Variants in LENG1 observed in about 807,000 individuals in gnomAD.
LENG1 encodes leukocyte receptor cluster (LRC) member 1.
LENG1 carries 35 observed loss-of-function variants against 28.8 expected under a neutral mutation model. The observed-to-expected ratio is 1.22, with a 90% confidence interval of 0.93 to 1.61. LENG1 has a LOEUF of 1.61. LENG1 is among the 40% of genes most tolerant of loss of function. The probability of loss-of-function intolerance (pLI) is 0.00; values close to 1 mark genes in which losing one functional copy is unlikely to be tolerated. For missense variants in LENG1, 404 were observed against 348.9 expected, an observed-to-expected ratio of 1.16 and a Z score of -1.26; for synonymous variants, 170 against 140.6, an observed-to-expected ratio of 1.21 and a Z score of -1.48.
At chr19:54,157,873 A>C (rs2075424490) in intron 2 of LENG1, among the ~76,000 whole-genome samples, 1 of 150,324 alleles carries the variant, frequency 6.7e-6, no homozygotes, top group Admixed American at 6.6e-5. Context: ...GCGCACCACC[A>C]TGCCCGGCTA....
intron 2 of LENG1, 144 bp downstream of exon 2, chr19:54,158,138 G>T: frequency 1.2e-6 from 1 of 800,142 alleles, no homozygotes; most frequent in Non-Finnish European, 2.0e-6. Context: ...AATAGCCAAC[G>T]CTTTTTGAGT....
chr19:54,156,878 G>C lies in LENG1; in HGVS notation c.460C>G (p.Leu154Val), dbSNP rs774212098. 2.4e-5 allele frequency: 37 copies of C among 1,549,228 alleles called. No individual in the cohort carries two copies. In the South Asian group the frequency reaches 3.9e-4, roughly 16 times the overall value. The change falls in exon 3 of 4, where the codon CTG (leucine) becomes GTG (valine). Residue 154 changes from leucine to valine, a missense_variant. Transcript: ENST00000222224. ...PAPDEKIKSR[L>V]DPLREMQKHL... ...TTCTGCATCTCCCGCAGAGGGTCCA[G>C]ACGGCTCTTGATCTTCTCATCTGGG...
In LENG1 at chr19:54,155,800, C is replaced by T. The variant is rs762215832; in HGVS notation, c.716G>A (p.Arg239Gln). 10 of 1,611,858 alleles carry T rather than the reference C, an allele frequency of 6.2e-6. No individual in the cohort carries two copies. Among genetic ancestry groups the T allele is most frequent in the Middle Eastern group, 1.7e-4 (1 of 6,058 alleles). The change falls in exon 4 of 4, where the codon CGG (arginine) becomes CAG (glutamine). Residue 239 changes from arginine to glutamine, a missense_variant. Transcript: ENST00000222224. The part of the protein sequence containing the change: ...GQPEEDETDD[R>Q]RRRYNSQFNP... Reference sequence around the variant, plus strand: ...GAATTGGGAGTTGTACCGCCGCCGCCGGTCATCCGTCTCGTCTTCTTCCGG... The same window carrying T: ...GAATTGGGAGTTGTACCGCCGCCGCTGGTCATCCGTCTCGTCTTCTTCCGG...
Position 54,155,645 on chromosome 19 carries a change from T to G in LENG1, c.*76A>C. ...ACATTTTTTGGTAAACCTATTTTCA[T>G]TTTGGAAAATATTTATGAATAAATA... On this transcript the variant is annotated 3_prime_UTR_variant, in exon 4 of 4. Coordinates refer to ENST00000222224, the MANE Select transcript of LENG1 (RefSeq NM_024316.3). 5 of 1,367,958 alleles carry G rather than the reference T, an allele frequency of 3.7e-6. No homozygotes were observed. Among genetic ancestry groups the G allele is most frequent in the Non-Finnish European group, 5.0e-6 (5 of 1,004,870 alleles). 84.7% of individuals were successfully genotyped at this position (1,367,958 alleles called of 1,614,324 possible).
At chr19:54,159,271 C>T (rs2075454554) in intron 1 of LENG1, among the ~76,000 whole-genome samples, 1 of 152,244 alleles carries the variant, frequency 6.6e-6, no homozygotes, top group Non-Finnish European at 1.5e-5. Flanking sequence ...CTTGAACTGT[C>T]CAAGGGTTCA....
At position 54,156,885 on chromosome 19, in the gene LENG1, C is replaced by T. The variant is rs773448981; in HGVS notation, c.453G>A (p.Lys151=). 1.8e-5 allele frequency: 17 copies of T among 929,778 alleles called. No individual in the cohort carries two copies. In the South Asian group the frequency reaches 2.0e-4, roughly 11 times the overall value. The allele number at this position is 929,778 out of a possible 1,614,324, so 57.6% of individuals were successfully genotyped here. The change falls in exon 3 of 4, where the codon AAG becomes AAA. Residue 151 remains lysine, a synonymous_variant. Transcript: ENST00000222224. The stretch of plus-strand genomic sequence containing the variant: ...TCTCCCGCAGAGGGTCCAGACGGCT[C>T]TTGATCTTCTCATCTGGGGCTGGGC... ...PPGPAPDEKI[K]SRLDPLREMQ...
In LENG1 at chr19:54,155,674, T is replaced by C; in HGVS notation, c.*47A>G. On this transcript the variant is annotated 3_prime_UTR_variant, in exon 4 of 4. Transcript: ENST00000222224. ...GGAAAATATTTATGAATAAATAGTT[T>C]TATATGACGGCTGGCAGCAGCGGCC... 2 of 1,479,492 alleles carry C rather than the reference T, an allele frequency of 1.4e-6. No individual in the cohort carries two copies. The highest frequency in any genetic ancestry group is 1.8e-6 in the Non-Finnish European group (2 of 1,088,248). The allele number at this position is 1,479,492 out of a possible 1,614,324, so 91.6% of individuals were successfully genotyped here.
At chr19:54,158,221 G>A in intron 2 of LENG1, 61 bp downstream of exon 2, 4 of 1,471,458 alleles carry the variant, frequency 2.7e-6, no homozygotes, top group Middle Eastern at 1.7e-4. Flanking sequence ...AATGGCTAAA[G>A]TGCCCCCTCC....
At chr19:54,158,175 CTG>C in intron 2 of LENG1, 105 bp downstream of exon 2, 1 of 1,039,602 alleles carries the variant, frequency 9.6e-7, no homozygotes, top group Non-Finnish European at 1.5e-6. Flanking sequence ...GTCCTAAATT[CTG>C]TGTGTTCACT....
At chr19:54,157,477 T>TA (rs1438547767) in intron 2 of LENG1, among the ~76,000 whole-genome samples, 1 of 151,892 alleles carries the variant, frequency 6.6e-6, no homozygotes, top group African/African-American at 2.4e-5. Context: ...CAAGCAATCC[T>TA]CCTACCTCAG....
At chr19:54,159,526 G>A in intron 1 of LENG1, 38 bp downstream of exon 1, 1 of 1,494,808 alleles carries the variant, frequency 6.7e-7, no homozygotes, top group Non-Finnish European at 8.9e-7. Flanking sequence ...CCTGCGCGCT[G>A]GGCCCCGGAG....
In LENG1 at chr19:54,155,169, G is replaced by T. The variant is rs1455242052; in HGVS notation, c.*552C>A. On this transcript the variant is annotated 3_prime_UTR_variant, in exon 4 of 4. Coordinates refer to ENST00000222224, the MANE Select transcript of LENG1 (RefSeq NM_024316.3). ...CAAGAAGAACCTTGTGAGGATGGAT[G>T]AGAGTGTGTGCGTGCAGGGCAGCTG... 2.8e-5 allele frequency: 24 copies of T among 867,768 alleles called. No homozygotes were observed. The highest frequency in any genetic ancestry group is 4.1e-5 in the Non-Finnish European group (23 of 566,568). The allele number at this position is 867,768 out of a possible 1,614,324, so 53.8% of individuals were successfully genotyped here.
Position 54,159,577 on chromosome 19 carries a change from A to C in LENG1, c.119T>G (p.Leu40Arg). The C allele has an allele frequency of 6.3e-7, 1 of 1,584,942 alleles. No individual in the cohort carries two copies. The highest frequency in any genetic ancestry group is 8.6e-7 in the Non-Finnish European group (1 of 1,165,520). The change falls in exon 1 of 4, where the codon CTG becomes CGG. Residue 40 changes from leucine (L) to arginine (R), a missense_variant. Transcript: ENST00000222224. Reference protein sequence around the residue: ...EEKERERRVLLAQQEARTEFL... With the variant: ...EEKERERRVLRAQQEARTEFL... ...TTCCGAGCTTACCTCTTGCTGAGCC[A>C]GCAGCACCCTCCGCTCACGCTCCTT...
chr19:54,155,440 C>T lies in LENG1; in HGVS notation c.*281G>A, dbSNP rs1293685191. 3 of 1,428,256 alleles carry T rather than the reference C, an allele frequency of 2.1e-6. No homozygotes were observed. Among genetic ancestry groups the T allele is most frequent in the Non-Finnish European group, 1.9e-6 (2 of 1,036,748 alleles). 88.5% of individuals were successfully genotyped at this position (1,428,256 alleles called of 1,614,324 possible). On this transcript the variant is annotated 3_prime_UTR_variant, in exon 4 of 4. Coordinates refer to ENST00000222224, the MANE Select transcript of LENG1 (RefSeq NM_024316.3). The stretch of plus-strand genomic sequence containing the variant: ...CCCTCCCTCTACCCACCCCCTTCCC[C>T]CGCATGCTGATCCCCCTGCCCAGGT...
chr19:54,156,030 G>T, intron 3 of LENG1, 90 bp from the exon 4 acceptor site: 10 of 1,190,088 alleles, frequency 8.4e-6, no homozygotes, highest in Non-Finnish European at 1.2e-5. Flanking sequence ...CCGCCTGGAA[G>T]CCCCGCTGCA....
intron 3 of LENG1, 44 bp downstream of exon 3, chr19:54,156,719 C>T (rs369193513): frequency 6.4e-6 from 10 of 1,561,106 alleles, no homozygotes; most frequent in Non-Finnish European, 7.8e-6. Context: ...GCTGCCAAGC[C>T]CTGAAGGTCT....
At position 54,156,938 on chromosome 19, in the gene LENG1, G is replaced by T; in HGVS notation, c.400C>A (p.Pro134Thr). The change falls in exon 3 of 4, where the codon CCC becomes ACC. Residue 134 changes from proline (P) to threonine (T), a missense_variant. By Grantham distance (38) the Pro-to-Thr change is conservative. Coordinates refer to ENST00000222224, the MANE Select transcript of LENG1 (RefSeq NM_024316.3). ...AQTQPPWYQL[P>T]PGRGGPPPGP... ...GGCGGGGGGCCCCCTCGCCCTGGGG[G>T]TAGCTGGTACCAAGGGGGTTGAGTC... 1.2e-6 allele frequency: 2 copies of T among 1,612,912 alleles called. No homozygotes were observed. Among genetic ancestry groups the T allele is most frequent in the Non-Finnish European group, 1.7e-6 (2 of 1,179,240 alleles).
chr19:54,156,751 G>T lies in LENG1; in HGVS notation c.575+12C>A. On this transcript the variant is annotated intron_variant, in intron 3 of 3. Coordinates refer to ENST00000222224, the MANE Select transcript of LENG1 (RefSeq NM_024316.3). ...GTCTGGGCCCTGGTCTGCCGAGGTGGGGTCTTCTTACTCCTTGGGTCGCTG... is the reference window on the plus strand; with the variant it reads ...GTCTGGGCCCTGGTCTGCCGAGGTGTGGTCTTCTTACTCCTTGGGTCGCTG... The T allele has an allele frequency of 6.2e-7, 1 of 1,602,578 alleles. No homozygotes were observed. The highest frequency in any genetic ancestry group is 2.2e-5 in the East Asian group (1 of 44,668).
Position 54,155,631 on chromosome 19 carries a change from TAA to T in LENG1, c.*88_*89del. The T allele has an allele frequency of 7.5e-7, 1 of 1,326,966 alleles. No homozygotes were observed. Among genetic ancestry groups the T allele is most frequent in the Non-Finnish European group, 1.0e-6 (1 of 971,398 alleles). The allele number at this position is 1,326,966 out of a possible 1,614,324, so 82.2% of individuals were successfully genotyped here. A position where few individuals can be genotyped will look rare whatever the true frequency, so the allele number is the denominator to read the frequency against. On this transcript the variant is annotated 3_prime_UTR_variant, in exon 4 of 4. Coordinates refer to ENST00000222224, the MANE Select transcript of LENG1 (RefSeq NM_024316.3). ...CTCCCCAGTGAGGGACATTTTTTGG[TAA>T]ACCTATTTTCATTTTGGAAAATATT... is the stretch of plus-strand genomic sequence containing the variant.
Sources: gnomAD v4.1 joint callset for allele counts (sites outside exome capture counted in the v4.1 genomes callset) on GRCh38, gnomAD v4.1.1 for gene constraint, MANE v1.5 for transcripts, NCBI Gene and HGNC (gene_info 2026-07-23, HGNC 2026-07-21) for gene names.